Variants in BMP5 observed in about 807,000 individuals in gnomAD.
The protein encoded by BMP5 is bone morphogenetic protein 5.
Under a neutral mutation model 46.6 loss-of-function variants are expected in BMP5, and 23 were observed. The observed-to-expected ratio is 0.49, with a 90% confidence interval of 0.35 to 0.70. The LOEUF (loss-of-function observed/expected upper bound fraction) is 0.70, where lower values mean the gene tolerates loss of function less well. BMP5 is among the 30% of genes least tolerant of loss of function. The probability of loss-of-function intolerance (pLI) is 0.00; values close to 1 mark genes in which losing one functional copy is unlikely to be tolerated. For synonymous variants in BMP5, 204 were observed against 191.9 expected (o/e 1.06, Z -0.52); for missense variants, 545 against 565.6 (o/e 0.96, Z 0.37).
At chr6:55,787,383 T>C (rs1775474554) in intron 3 of BMP5, among the ~76,000 whole-genome samples, 2 of 151,766 alleles carry the variant, frequency 1.3e-5, no homozygotes, top group African/African-American at 4.8e-5. Flanking sequence ...TTGTAAATTA[T>C]ATCTTTGTTT....
chr6:55,828,497 A>G (rs1008423610), intron 1 of BMP5, among the ~76,000 whole-genome samples: 1 of 151,800 alleles, frequency 6.6e-6, no homozygotes, highest in African/African-American at 2.4e-5. Flanking sequence ...AGTAATCTCC[A>G]TGCCATTTTA....
intron 1 of BMP5, among the ~76,000 whole-genome samples, chr6:55,851,026 T>A (rs896450295): frequency 6.6e-6 from 1 of 152,218 alleles, no homozygotes; most frequent in Non-Finnish European, 1.5e-5. Flanking sequence ...ACTGAATTTC[T>A]TAAAAGCAGT....
intron 3 of BMP5, among the ~76,000 whole-genome samples, chr6:55,789,206 CA>C (rs1775518463): frequency 6.6e-6 from 1 of 151,742 alleles, no homozygotes; most frequent in Non-Finnish European, 1.5e-5. Flanking sequence ...GATGTATAAG[CA>C]AGTTTGAATA....
At chr6:55,865,489 G>C in intron 1 of BMP5, 1 of 465,366 alleles carries the variant, frequency 2.1e-6, no homozygotes, top group East Asian at 6.4e-5. Context: ...ACCACAGTCC[G>C]TCTCATGAAG....
intron 1 of BMP5, among the ~76,000 whole-genome samples, chr6:55,840,295 T>C (rs531581433): frequency 1.4e-4 from 21 of 152,310 alleles, no homozygotes; most frequent in African/African-American, 4.8e-4. Context: ...AAAATACTTA[T>C]GTTGTCAGTA....
At chr6:55,861,100 T>C (rs1777518015) in intron 1 of BMP5, among the ~76,000 whole-genome samples, 1 of 152,166 alleles carries the variant, frequency 6.6e-6, no homozygotes, top group Non-Finnish European at 1.5e-5. Context: ...GGAGTTTCAG[T>C]CATGACTAGC....
intron 1 of BMP5, among the ~76,000 whole-genome samples, chr6:55,823,315 C>A (rs1304794038): frequency 6.6e-6 from 1 of 152,062 alleles, no homozygotes; most frequent in East Asian, 1.9e-4. Flanking sequence ...TATATAGCAT[C>A]TAACACATCA....
chr6:55,865,480 C>G, intron 1 of BMP5: 1 of 473,978 alleles, frequency 2.1e-6, no homozygotes, highest in Admixed American at 2.2e-5. Context: ...GAGGAAAGCA[C>G]CACAGTCCGT....
intron 1 of BMP5, among the ~76,000 whole-genome samples, chr6:55,867,752 G>A (rs554113725): frequency 6.6e-6 from 1 of 152,260 alleles, no homozygotes; most frequent in African/African-American, 2.4e-5. Flanking sequence ...TTATGTAGCT[G>A]CTCATGCAGA....
chr6:55,806,277 T>C (rs1775986096), intron 2 of BMP5, among the ~76,000 whole-genome samples: 1 of 152,220 alleles, frequency 6.6e-6, no homozygotes, highest in African/African-American at 2.4e-5. Context: ...AGTTTCAGCT[T>C]TCTGCATATG....
chr6:55,866,583 G>A (rs1294799589), intron 1 of BMP5, among the ~76,000 whole-genome samples: 1 of 152,036 alleles, frequency 6.6e-6, no homozygotes, highest in Non-Finnish European at 1.5e-5. Flanking sequence ...AAAATATATT[G>A]CTCTTCATTT....
At chr6:55,840,382 C>T (rs1287557936) in intron 1 of BMP5, among the ~76,000 whole-genome samples, 1 of 151,880 alleles carries the variant, frequency 6.6e-6, no homozygotes, top group African/African-American at 2.4e-5. Flanking sequence ...TGGTGAAGAC[C>T]TCCAATTCAA....
At chr6:55,850,035 C>G (rs2127549042) in intron 1 of BMP5, among the ~76,000 whole-genome samples, 1 of 152,128 alleles carries the variant, frequency 6.6e-6, no homozygotes, top group African/African-American at 2.4e-5. Context: ...CAGGGCCATA[C>G]TTTTTTAGTT....
chr6:55,786,862 C>T lies in BMP5; in HGVS notation c.832+7417G>A, dbSNP rs936374395. On this transcript the variant is annotated intron_variant, in intron 3 of 6. Coordinates refer to ENST00000370830, the MANE Select transcript of BMP5 (RefSeq NM_021073.4). ...CACCATAAATTCAGCAAAAGGGGAG[C>T]CATATGGTTTTATGAACAAAAATGA... 4.6e-5 allele frequency among the ~76,000 whole-genome samples: 7 copies of T among 151,480 alleles called. No individual in the cohort carries two copies. In the East Asian group the frequency reaches 1.4e-3, roughly 29 times the overall value.
intron 2 of BMP5, among the ~76,000 whole-genome samples, chr6:55,799,904 C>T (rs1365728752): frequency 6.6e-6 from 1 of 152,128 alleles, no homozygotes; most frequent in East Asian, 1.9e-4. Flanking sequence ...TTGCACAGAC[C>T]TCCCCACAGT....
intron 3 of BMP5, among the ~76,000 whole-genome samples, chr6:55,776,882 C>T (rs1449081965): frequency 6.6e-6 from 1 of 151,792 alleles, no homozygotes; most frequent in Non-Finnish European, 1.5e-5. Flanking sequence ...AGAAATAATA[C>T]GGATCTGAAG....
chr6:55,866,996 A>C (rs183757499), intron 1 of BMP5, among the ~76,000 whole-genome samples: 1 of 152,060 alleles, frequency 6.6e-6, no homozygotes, highest in Non-Finnish European at 1.5e-5. Flanking sequence ...CTTGCTGACT[A>C]AACAACCAAT....
intron 1 of BMP5, among the ~76,000 whole-genome samples, chr6:55,856,400 A>C (rs762314385): frequency 2.6e-5 from 4 of 152,088 alleles, no homozygotes; most frequent in Non-Finnish European, 5.9e-5. Context: ...CCTGGAACTG[A>C]GATTTGTGTC....
At chr6:55,819,163 T>C (rs778797507) in intron 2 of BMP5, among the ~76,000 whole-genome samples, 4 of 152,230 alleles carry the variant, frequency 2.6e-5, no homozygotes, top group African/African-American at 9.6e-5. Flanking sequence ...TATTTCAGAC[T>C]ATCTGTCCAT....
Sources: allele counts gnomAD v4.1 joint callset (sites outside exome capture counted in the v4.1 genomes callset), GRCh38; gene constraint gnomAD v4.1.1; transcripts MANE v1.5; gene names NCBI Gene and HGNC (gene_info 2026-07-23, HGNC 2026-07-21).